DLGAP2: variants seen among roughly 807,000 people sequenced by gnomAD.
DLGAP2 encodes the protein disks large-associated protein 2.
A neutral mutation model predicts 100.3 loss-of-function variants in DLGAP2; 26 were observed. That is an observed-to-expected ratio of 0.26 (90% CI 0.19 to 0.36). DLGAP2 has a LOEUF of 0.36. DLGAP2 is among the 10% of genes least tolerant of loss of function. The pLI is 1.00. For synonymous variants in DLGAP2, 886 were observed against 630.1 expected (o/e 1.41, Z -6.08); for missense variants, 1,858 against 1,453.2 (o/e 1.28, Z -4.53).
intron 2 of DLGAP2, among the ~76,000 whole-genome samples, chr8:987,611 G>C (rs920494276): frequency 1.3e-5 from 2 of 152,148 alleles, no homozygotes; most frequent in Non-Finnish European, 2.9e-5. Flanking sequence ...CTGCTTATTT[G>C]TCAAGATCTT....
intron 3 of DLGAP2, among the ~76,000 whole-genome samples, chr8:1,351,741 C>T (rs1474038672): frequency 4.4e-5 from 3 of 68,106 alleles, no homozygotes; most frequent in Admixed American, 1.7e-4. Context: ...GTGGAAAGGC[C>T]GTGCGGGTCC....
At chr8:847,064 A>G (rs907413087) in intron 1 of DLGAP2, among the ~76,000 whole-genome samples, 1 of 152,196 alleles carries the variant, frequency 6.6e-6, no homozygotes, top group Non-Finnish European at 1.5e-5. Flanking sequence ...GAATTCTTTT[A>G]CCTTACATAT....
intron 1 of DLGAP2, among the ~76,000 whole-genome samples, chr8:760,332 A>G (rs1466207146): frequency 6.6e-6 from 1 of 152,186 alleles, no homozygotes; most frequent in African/African-American, 2.4e-5. Context: ...GCCTGAATGC[A>G]GCCCTGTCCT....
intron 4 of DLGAP2, among the ~76,000 whole-genome samples, chr8:1,534,897 A>G (rs904549748): frequency 6.6e-6 from 1 of 152,278 alleles, no homozygotes; most frequent in Non-Finnish European, 1.5e-5. Context: ...TATAAGAGTT[A>G]ATGAAATCCT....
rs1796891334 is a variant in DLGAP2 at position 837,036 on chromosome 8, C to T, written c.19-70876C>T. 1.3e-5 allele frequency among the ~76,000 whole-genome samples: 2 copies of T among 152,230 alleles called. 1 individual carries two copies. Among genetic ancestry groups the T allele is most frequent in the South Asian group, 4.1e-4 (2 of 4,838 alleles). ...ATGGTTAGAAACACAGATTCTGGAGCCAGATTCCCGGGGTTCGAGTCCTAT... is the reference window on the plus strand; with the variant it reads ...ATGGTTAGAAACACAGATTCTGGAGTCAGATTCCCGGGGTTCGAGTCCTAT... On this transcript the variant is annotated intron_variant, in intron 1 of 14. Coordinates refer to ENST00000637795, the MANE Select transcript of DLGAP2 (RefSeq NM_001346810.2).
intron 3 of DLGAP2, among the ~76,000 whole-genome samples, chr8:1,364,287 C>T (rs547492109): frequency 1.8e-4 from 27 of 152,188 alleles, no homozygotes; most frequent in Non-Finnish European, 2.9e-4. Context: ...GAGGGGTGCC[C>T]TGTGCTCCAG....
At chr8:1,372,097 G>T (rs973360288) in intron 3 of DLGAP2, among the ~76,000 whole-genome samples, 3 of 152,216 alleles carry the variant, frequency 2.0e-5, no homozygotes, top group Admixed American at 2.0e-4. Flanking sequence ...GTGGGCAGCT[G>T]GGGACAGCTC....
intron 2 of DLGAP2, among the ~76,000 whole-genome samples, chr8:1,187,135 G>T (rs1416396143): frequency 6.6e-6 from 1 of 152,234 alleles, no homozygotes; most frequent in Non-Finnish European, 1.5e-5. Flanking sequence ...AATAGCACTG[G>T]CTACATATTG....
chr8:906,091 C>T (rs547076468), intron 1 of DLGAP2, among the ~76,000 whole-genome samples: 2 of 152,340 alleles, frequency 1.3e-5, no homozygotes, highest in African/African-American at 4.8e-5. Flanking sequence ...TGTGGACGTG[C>T]GTGGGGCTTA....
intron 3 of DLGAP2, among the ~76,000 whole-genome samples, chr8:1,442,850 T>C (rs1446625529): frequency 6.7e-6 from 1 of 149,726 alleles, no homozygotes; most frequent in East Asian, 1.9e-4. Flanking sequence ...CTGCTGTGGG[T>C]TTAGCCACTG....
At chr8:1,523,096 G>A (rs563020687) in intron 4 of DLGAP2, among the ~76,000 whole-genome samples, 107 of 152,274 alleles carry the variant, frequency 7.0e-4, no homozygotes, top group African/African-American at 1.9e-3. Context: ...CTGCCCGTGC[G>A]GCATCTCCTG....
At chr8:893,789 G>C (rs545945578) in intron 1 of DLGAP2, among the ~76,000 whole-genome samples, 121 of 152,320 alleles carry the variant, frequency 7.9e-4, no homozygotes, top group African/African-American at 2.7e-3. Context: ...TGGACATGGG[G>C]GTCTCCAAGG....
intron 3 of DLGAP2, among the ~76,000 whole-genome samples, chr8:1,262,225 G>A (rs968845691): frequency 2.6e-5 from 4 of 152,204 alleles, no homozygotes; most frequent in African/African-American, 9.7e-5. Flanking sequence ...GAATCTCTAC[G>A]ATGGTGTGGC....
intron 3 of DLGAP2, among the ~76,000 whole-genome samples, chr8:1,455,891 G>A (rs558002359): frequency 9.2e-5 from 14 of 152,294 alleles, no homozygotes; most frequent in East Asian, 1.9e-4. Flanking sequence ...TCACTGTCTC[G>A]GCCTCTGCCC....
chr8:1,057,969 G>A (rs966671217), intron 2 of DLGAP2, among the ~76,000 whole-genome samples: 1 of 152,166 alleles, frequency 6.6e-6, no homozygotes, highest in South Asian at 2.1e-4. Context: ...AACTTGTTTT[G>A]CTTTATTTGT....
At chr8:1,031,056 A>T (rs1801957591) in intron 2 of DLGAP2, among the ~76,000 whole-genome samples, 1 of 151,916 alleles carries the variant, frequency 6.6e-6, no homozygotes, top group South Asian at 2.1e-4. Flanking sequence ...TTCTGCCTCC[A>T]CTCTGTTCCC....
At chr8:1,599,614 T>G (rs1047167058) in intron 6 of DLGAP2, among the ~76,000 whole-genome samples, 11 of 152,338 alleles carry the variant, frequency 7.2e-5, no homozygotes, top group African/African-American at 2.6e-4. Flanking sequence ...CGTTGATCCC[T>G]TTACGATTAT....
intron 1 of DLGAP2, among the ~76,000 whole-genome samples, chr8:746,294 A>G (rs1281774887): frequency 6.6e-6 from 1 of 152,260 alleles, no homozygotes; most frequent in East Asian, 1.9e-4. Flanking sequence ...TGTGCTGGGC[A>G]CTGCTGGGCG....
intron 3 of DLGAP2, among the ~76,000 whole-genome samples, chr8:1,432,232 A>G (rs1023785016): frequency 1.1e-4 from 16 of 152,360 alleles, no homozygotes; most frequent in African/African-American, 3.6e-4. Flanking sequence ...AGTGGCTAAG[A>G]TGAAGATTGC....
Sources: allele counts gnomAD v4.1 joint callset (sites outside exome capture counted in the v4.1 genomes callset), GRCh38; gene constraint gnomAD v4.1.1; transcripts MANE v1.5; gene names NCBI Gene and HGNC (gene_info 2026-07-23, HGNC 2026-07-21).